Variants in SDHC observed in about 807,000 individuals in gnomAD.
SDHC encodes the protein succinate dehydrogenase complex subunit C, also known as succinate dehydrogenase cytochrome b560 subunit, mitochondrial.
SDHC carries 11 observed loss-of-function variants against 22.6 expected under a neutral mutation model. That is an observed-to-expected ratio of 0.49 (90% CI 0.31 to 0.81). The LOEUF is 0.81. Ranked by LOEUF, SDHC falls within the 30% of genes least tolerant of loss-of-function variation. SDHC has a pLI of 0.05. For synonymous variants in SDHC, 80 were observed against 77.8 expected (o/e 1.03, Z -0.15); for missense variants, 160 against 212.0 (o/e 0.75, Z 1.52).
At chr1:161,336,226 A>G (rs1481299546) in intron 3 of SDHC, among the ~76,000 whole-genome samples, 1 of 152,162 alleles carries the variant, frequency 6.6e-6, no homozygotes, top group Non-Finnish European at 1.5e-5. Context: ...TGAGATGCCA[A>G]GGTGGGTGGA....
At chr1:161,350,846 A>G (rs889820547) in intron 4 of SDHC, among the ~76,000 whole-genome samples, 2 of 152,110 alleles carry the variant, frequency 1.3e-5, no homozygotes, top group Non-Finnish European at 2.9e-5. Flanking sequence ...CCACTAGTCT[A>G]TATGGCCTTA....
At chr1:161,359,897 C>G (rs1405194631) in intron 5 of SDHC, among the ~76,000 whole-genome samples, 1 of 151,998 alleles carries the variant, frequency 6.6e-6, no homozygotes, top group African/African-American at 2.4e-5. Flanking sequence ...CTACTGCTAC[C>G]CAGTAGGACT....
intron 4 of SDHC, among the ~76,000 whole-genome samples, chr1:161,355,984 CAAAAAAAA>C (rs60684612): frequency 6.8e-5 from 6 of 88,356 alleles, no homozygotes; most frequent in South Asian, 6.8e-4. Flanking sequence ...GACTCTGTCT[CAAAAAAAA>C]AAAAAAAAAA....
At chr1:161,356,646 G>A (rs749939754) in intron 4 of SDHC, 31 bp from the exon 5 acceptor site, 1 of 1,612,170 alleles carries the variant, frequency 6.2e-7, no homozygotes, top group African/African-American at 1.3e-5. Flanking sequence ...CTTATGAGCA[G>A]CTGTGACAAG....
Position 161,316,333 on chromosome 1 carries a change from C to T in SDHC, c.20+1908C>T, listed in dbSNP as rs182704968. ...TTGGACAATACCTGGCTTTCCTAGGCGGAGGTCCTTGCGGCCTACCGCAGT... is the reference window on the plus strand; with the variant it reads ...TTGGACAATACCTGGCTTTCCTAGGTGGAGGTCCTTGCGGCCTACCGCAGT... On this transcript the variant is annotated intron_variant, in intron 1 of 5. Transcript: ENST00000367975. Among the ~76,000 whole-genome samples, 5 of 152,346 alleles carry T rather than the reference C, an allele frequency of 3.3e-5. No individual in the cohort carries two copies. The East Asian group carries it at 5.8e-4, about 18-fold the overall frequency.
chr1:161,336,723 A>G (rs572387990), intron 3 of SDHC, among the ~76,000 whole-genome samples: 1 of 152,260 alleles, frequency 6.6e-6, no homozygotes, highest in African/African-American at 2.4e-5. Flanking sequence ...ACCTGAAGTC[A>G]TATTTTCTAT....
chr1:161,362,538 T>C lies in SDHC; in HGVS notation c.*105T>C. On this transcript the variant is annotated 3_prime_UTR_variant, in exon 6 of 6. Coordinates refer to ENST00000367975, the MANE Select transcript of SDHC (RefSeq NM_003001.5). ...CTGGGAAAAGTTCTCCTTATTTGTT[T>C]AGATCCTTTTGTATTTTCAGATCTC... The C allele has an allele frequency of 3.1e-6, 5 of 1,608,868 alleles. No individual in the cohort carries two copies. The highest frequency in any genetic ancestry group is 4.2e-6 in the Non-Finnish European group (5 of 1,177,840).
chr1:161,325,297 C>T (rs1671009377), intron 2 of SDHC, among the ~76,000 whole-genome samples: 1 of 151,900 alleles, frequency 6.6e-6, no homozygotes, highest in Admixed American at 6.6e-5. Context: ...CCCTTGAGCC[C>T]AGGAGGTCAA....
intron 1 of SDHC, 169 bp downstream of exon 1, chr1:161,314,594 A>T: frequency 1.3e-6 from 1 of 764,290 alleles, no homozygotes. Flanking sequence ...CGTCCCCCCC[A>T]GCCGCTCCGG....
chr1:161,356,905 T>C, intron 5 of SDHC, 65 bp downstream of exon 5: 4 of 1,509,322 alleles, frequency 2.7e-6, no homozygotes, highest in Non-Finnish European at 3.7e-6. Context: ...GAGGATTCTT[T>C]CCTTCATTAC....
rs532420893 is a variant in SDHC, at chr1:161,334,714, C to T, written c.180-5880C>T. Among the ~76,000 whole-genome samples, 4 of 152,280 alleles carry T rather than the reference C, an allele frequency of 2.6e-5. No individual in the cohort carries two copies. The East Asian group carries it at 5.8e-4, about 22-fold the overall frequency. On this transcript the variant is annotated intron_variant, in intron 3 of 5. Coordinates refer to ENST00000367975, the MANE Select transcript of SDHC (RefSeq NM_003001.5). ...TCGGCCTCCCAAAGTTCTGGGATTA[C>T]GGCTCACTCCCTCTTTATCTTAAGG...
At chr1:161,353,208 T>C (rs1180666390) in intron 4 of SDHC, among the ~76,000 whole-genome samples, 1 of 152,126 alleles carries the variant, frequency 6.6e-6, no homozygotes, top group Admixed American at 6.5e-5. Flanking sequence ...GGTGGTGTTA[T>C]CCTAGGATAA....
intron 4 of SDHC, among the ~76,000 whole-genome samples, chr1:161,344,246 C>T (rs555375242): frequency 3.3e-5 from 5 of 152,040 alleles, no homozygotes; most frequent in African/African-American, 7.2e-5. Context: ...GCTGAGATTG[C>T]GCCACTGCAC....
chr1:161,354,525 G>A (rs1056228028), intron 4 of SDHC, among the ~76,000 whole-genome samples: 1 of 152,038 alleles, frequency 6.6e-6, no homozygotes, highest in Non-Finnish European at 1.5e-5. Context: ...TATCAAATCA[G>A]GGTCTCTGGG....
rs778403973 is a variant in SDHC, at chr1:161,328,007, AT to A, written c.78-372del. Among the ~76,000 whole-genome samples, 596 of 138,142 alleles carry A rather than the reference AT, an allele frequency of 4.3e-3. 1 individual carries two copies. The highest frequency in any genetic ancestry group is 7.4e-3 in the Middle Eastern group (2 of 270). 90.6% of individuals were successfully genotyped at this position (138,142 alleles called of 152,430 possible). ...AACCTTTTCTAAAAAGATACTGCAA[AT>A]TTTTTTTTTTTTTTTTGAGAGAGAA... On this transcript the variant is annotated intron_variant, in intron 2 of 5. Transcript: ENST00000367975.
intron 3 of SDHC, among the ~76,000 whole-genome samples, chr1:161,338,907 G>T (rs1291139411): frequency 6.6e-6 from 1 of 152,022 alleles, no homozygotes; most frequent in African/African-American, 2.4e-5. Flanking sequence ...GGAGTGCAGT[G>T]GCGTGATCTC....
At chr1:161,340,498 C>G in intron 3 of SDHC, 96 bp from the exon 4 acceptor site, 1 of 1,077,876 alleles carries the variant, frequency 9.3e-7, no homozygotes, top group Non-Finnish European at 1.4e-6. Context: ...AAAAAAGTGC[C>G]TATTTCAGAA....
chr1:161,316,936 A>G (rs1670637312), intron 1 of SDHC, among the ~76,000 whole-genome samples: 2 of 151,816 alleles, frequency 1.3e-5, no homozygotes, highest in South Asian at 4.1e-4. Context: ...GCAAACGGCA[A>G]TAACTTGGGC....
intron 1 of SDHC, among the ~76,000 whole-genome samples, chr1:161,317,042 G>A (rs1670643682): frequency 2.1e-5 from 3 of 141,746 alleles, no homozygotes; most frequent in African/African-American, 8.2e-5. Flanking sequence ...TTTTTGAGAC[G>A]GAGTCTCGGT....
Sources: gnomAD v4.1 joint callset for allele counts (sites outside exome capture counted in the v4.1 genomes callset) on GRCh38, gnomAD v4.1.1 for gene constraint, MANE v1.5 for transcripts, NCBI Gene and HGNC (gene_info 2026-07-23, HGNC 2026-07-21) for gene names.